Variants in CELA1 observed in about 807,000 individuals in gnomAD.
The protein encoded by CELA1 is chymotrypsin like elastase 1, also known as chymotrypsin-like elastase family member 1.
In CELA1, 28 loss-of-function variants were observed where a neutral mutation model predicts 34.8. The ratio of observed to expected loss-of-function variants is 0.80; its 90% CI spans 0.60 to 1.10. The LOEUF is 1.10. Among genes scored for constraint, CELA1 ranks in the 50% least tolerant of loss-of-function variants. CELA1 has a pLI of 0.00. For missense variants in CELA1, 288 were observed against 327.5 expected (o/e 0.88, Z 0.93); for synonymous variants, 140 against 129.8 (o/e 1.08, Z -0.53).
intron 6 of CELA1, 58 bp from the exon 7 acceptor site, chr12:51,329,891 T>C: frequency 6.8e-7 from 1 of 1,477,772 alleles, no homozygotes; most frequent in Non-Finnish European, 9.1e-7. Context: ...TTGCTTGCAC[T>C]CCCCCCGCCC....
chr12:51,342,982 G>T (rs1946546958), intron 3 of CELA1, among the ~76,000 whole-genome samples: 1 of 151,816 alleles, frequency 6.6e-6, no homozygotes, highest in African/African-American at 2.4e-5. Flanking sequence ...CATCTTATCT[G>T]GTCTAGGCAG....
intron 6 of CELA1, among the ~76,000 whole-genome samples, chr12:51,331,184 G>T (rs541203546): frequency 6.6e-6 from 1 of 151,774 alleles, no homozygotes; most frequent in African/African-American, 2.4e-5. Context: ...GAGGTCAGGA[G>T]TTCAAGACTA....
chr12:51,345,908 A>C, intron 1 of CELA1, 31 bp from the exon 2 acceptor site: 1 of 1,503,340 alleles, frequency 6.7e-7, no homozygotes, highest in African/African-American at 1.4e-5. Flanking sequence ...GTGAGTGATG[A>C]CTAAGCATGG....
chr12:51,340,841 A>T (rs1946529819), intron 5 of CELA1, among the ~76,000 whole-genome samples: 1 of 152,184 alleles, frequency 6.6e-6, no homozygotes, highest in African/African-American at 2.4e-5. Context: ...TCCCATCTCT[A>T]CAAAAAAATT....
intron 3 of CELA1, 31 bp downstream of exon 3, chr12:51,343,722 G>A (rs1339208253): frequency 1.5e-6 from 2 of 1,323,678 alleles, no homozygotes; most frequent in Admixed American, 1.7e-5. Context: ...CCTTCCAGGG[G>A]CCCAGGAAAG....
intron 7 of CELA1, 99 bp from the exon 8 acceptor site, chr12:51,328,693 T>C: frequency 1.5e-6 from 2 of 1,373,366 alleles, no homozygotes; most frequent in Non-Finnish European, 2.1e-6. Flanking sequence ...GTACTGGGTT[T>C]ATGGGAAGTT....
At chr12:51,342,059 A>G (rs769243869) in intron 4 of CELA1, among the ~76,000 whole-genome samples, 56 of 152,332 alleles carry the variant, frequency 3.7e-4, no homozygotes, top group Non-Finnish European at 6.3e-4. Flanking sequence ...TTTTCTTATG[A>G]GACAGAGTCT....
chr12:51,332,146 C>G (rs1480604605), intron 6 of CELA1, among the ~76,000 whole-genome samples: 1 of 149,290 alleles, frequency 6.7e-6, no homozygotes, highest in African/African-American at 2.5e-5. Flanking sequence ...GATTGTGCTA[C>G]TGCACTCCAG....
At chr12:51,341,847 C>T (rs552585507) in intron 4 of CELA1, among the ~76,000 whole-genome samples, 10 of 151,830 alleles carry the variant, frequency 6.6e-5, no homozygotes, top group Admixed American at 2.6e-4. Context: ...GCAATTTTCC[C>T]GTGTAAGATT....
At chr12:51,336,583 C>A (rs1050196441) in intron 6 of CELA1, among the ~76,000 whole-genome samples, 7 of 152,194 alleles carry the variant, frequency 4.6e-5, no homozygotes, top group African/African-American at 1.7e-4. Flanking sequence ...GCTGAGATCG[C>A]GCTACTGCAC....
intron 4 of CELA1, 129 bp from the exon 5 acceptor site, chr12:51,341,509 G>C: frequency 4.2e-6 from 4 of 944,018 alleles, no homozygotes; most frequent in Non-Finnish European, 6.4e-6. Context: ...GAAGGACGGG[G>C]CTCACTTGCT....
At chr12:51,337,871 A>G (rs890993292) in intron 6 of CELA1, among the ~76,000 whole-genome samples, 1 of 149,930 alleles carries the variant, frequency 6.7e-6, no homozygotes, top group Non-Finnish European at 1.5e-5. Context: ...TGATGGTACA[A>G]CTGAACTCCA....
Position 51,345,860 on chromosome 12 carries a change from G to T in CELA1, c.34C>A (p.Leu12Ile), listed in dbSNP as rs1946562570. 6.4e-7 allele frequency: 1 copy of T among 1,558,868 alleles called. No homozygotes were observed. Among genetic ancestry groups the T allele is most frequent in the African/African-American group, 1.4e-5 (1 of 73,642 alleles). ...ACTACGCGGGCATTGGTTTCCGGAA[G>T]GTCCTGGGTGCTGTGTCCTTTGTGG... is the stretch of plus-strand genomic sequence containing the variant. ...LVLYGHSTQD[L>I]PETNARVVGG... The change falls in exon 2 of 8, where the codon CTT (leucine) becomes ATT (isoleucine). Residue 12 changes from leucine to isoleucine, a missense_variant. By Grantham distance (5) the Leu-to-Ile change is conservative. Transcript: ENST00000293636.
intron 4 of CELA1, 137 bp from the exon 5 acceptor site, chr12:51,341,517 G>T (rs1946535268): frequency 2.3e-6 from 2 of 853,618 alleles, no homozygotes; most frequent in Non-Finnish European, 1.8e-6. Flanking sequence ...GGGCTCACTT[G>T]CTAAGCCTCA....
At chr12:51,346,013 G>T (rs901196075) in intron 1 of CELA1, 136 bp from the exon 2 acceptor site, 21 of 641,018 alleles carry the variant, frequency 3.3e-5, no homozygotes, top group African/African-American at 2.6e-4. Context: ...CGAATGAGGG[G>T]CCCAGCTGTG....
Position 51,345,893 on chromosome 12 carries a change from G to T in CELA1, c.17-16C>A, listed in dbSNP as rs1946562839. 3 of 1,542,842 alleles carry T rather than the reference G, an allele frequency of 1.9e-6. No individual in the cohort carries two copies. The highest frequency in any genetic ancestry group is 8.8e-7 in the Non-Finnish European group (1 of 1,138,910). On this transcript the variant is annotated splice_polypyrimidine_tract_variant and intron_variant, in intron 1 of 7. Transcript: ENST00000293636. ...GTGCTGTGTCCTTTGTGGGGCAGAAGAAAAGTGAGTGATGACTAAGCATGG... is the reference window on the plus strand; with the variant it reads ...GTGCTGTGTCCTTTGTGGGGCAGAATAAAAGTGAGTGATGACTAAGCATGG...
intron 4 of CELA1, 47 bp downstream of exon 4, chr12:51,342,528 G>C (rs769438176): frequency 5.6e-6 from 9 of 1,613,206 alleles, no homozygotes; most frequent in South Asian, 1.1e-5. Flanking sequence ...TTGTTGGCTA[G>C]TCAGGCCTCA....
chr12:51,333,452 G>A (rs2137476292), intron 6 of CELA1, among the ~76,000 whole-genome samples: 1 of 149,730 alleles, frequency 6.7e-6, no homozygotes, highest in Admixed American at 6.7e-5. Flanking sequence ...GGAGTGCAGT[G>A]GTATGATCAT....
intron 6 of CELA1, among the ~76,000 whole-genome samples, chr12:51,335,600 T>G (rs1946496008): frequency 6.6e-6 from 1 of 150,484 alleles, no homozygotes; most frequent in South Asian, 2.1e-4. Context: ...CTTGCTGTCC[T>G]TAAAGCTACC....
Sources: gnomAD v4.1 joint callset for allele counts (sites outside exome capture counted in the v4.1 genomes callset) on GRCh38, gnomAD v4.1.1 for gene constraint, MANE v1.5 for transcripts, NCBI Gene and HGNC (gene_info 2026-07-23, HGNC 2026-07-21) for gene names.